ADAM10: variants seen among roughly 807,000 people sequenced by gnomAD.
ADAM10 encodes the protein ADAM metallopeptidase domain 10.
ADAM10 carries 17 observed loss-of-function variants against 90.1 expected under a neutral mutation model. The observed-to-expected ratio is 0.19, with a 90% CI of 0.13 to 0.28. ADAM10 has a LOEUF of 0.28. ADAM10 is among the 10% of genes least tolerant of loss of function. The pLI is 1.00. For missense variants in ADAM10, 610 were observed against 914.3 expected (o/e 0.67, Z 4.29); for synonymous variants, 310 against 298.6 (o/e 1.04, Z -0.40).
intron 10 of ADAM10, 50 bp downstream of exon 10, chr15:58,627,650 T>A (rs768969256): frequency 1.3e-6 from 2 of 1,535,194 alleles, no homozygotes; most frequent in South Asian, 2.3e-5. Context: ...TTTCAAGTTG[T>A]CTGAATGTTT....
chr15:58,663,005 A>G (rs767974646), intron 5 of ADAM10, among the ~76,000 whole-genome samples: 6 of 152,198 alleles, frequency 3.9e-5, no homozygotes, highest in Non-Finnish European at 5.9e-5. Context: ...TTATTTCCTC[A>G]CTCAGATATC....
chr15:58,703,291 C>CAAAAAAAAAAAAAAAAAAAAAAAA (rs542156053), intron 2 of ADAM10, among the ~76,000 whole-genome samples: 1 of 76,396 alleles, frequency 1.3e-5, no homozygotes. Flanking sequence ...GGTATTCCCT[C>CAAAAAAAAAAAAAAAAAAAAAAAA]AAAAAAAAAA....
chr15:58,589,713 TGAGA>T lies in ADAM10; in HGVS notation c.*7830_*7833del, dbSNP rs1894786491. 1 of 152,202 alleles carries T rather than the reference TGAGA, an allele frequency of 6.6e-6. No individual in the cohort carries two copies. Among genetic ancestry groups the T allele is most frequent in the Admixed American group, 6.5e-5 (1 of 15,270 alleles). The allele number at this position is 152,202 out of a possible 1,614,324, so 9.4% of individuals were successfully genotyped here. On this transcript the variant is annotated 3_prime_UTR_variant, in exon 16 of 16. Transcript: ENST00000260408. ...TTATATTGTAATATGGTGTGTGCTATGAGAGAAAGATGTATAAAATTCCAGGGCA... is the reference window on the plus strand; with the variant it reads ...TTATATTGTAATATGGTGTGTGCTATGAAAGATGTATAAAATTCCAGGGCA...
At chr15:58,624,284 CA>C (rs1476065624) in intron 10 of ADAM10, among the ~76,000 whole-genome samples, 2 of 145,538 alleles carry the variant, frequency 1.4e-5, no homozygotes. Context: ...GACTCTGTCT[CA>C]AAAAAAAAGC....
chr15:58,647,591 C>A (rs1896584604), intron 5 of ADAM10, among the ~76,000 whole-genome samples: 1 of 152,102 alleles, frequency 6.6e-6, no homozygotes, highest in South Asian at 2.1e-4. Context: ...CTCTGTTACC[C>A]AGGCTGGAGT....
chr15:58,609,908 T>A, intron 14 of ADAM10: 1 of 256,390 alleles, frequency 3.9e-6, no homozygotes, highest in South Asian at 4.7e-5. Context: ...GAGATTATAC[T>A]GAAAGATCAG....
rs779536584 is a variant in ADAM10, at chr15:58,717,741, A to C, written c.56-14T>G. 7 of 1,607,140 alleles carry C rather than the reference A, an allele frequency of 4.4e-6. No homozygotes were observed. The Admixed American group carries it at 8.4e-5, about 19-fold the overall frequency. On this transcript the variant is annotated splice_polypyrimidine_tract_variant and intron_variant, in intron 1 of 15. Transcript: ENST00000260408. ...TCCCATACTGACCTATAAAAAAAAA[A>C]CAACATTCTGAATTAGTATCATCTT...
At chr15:58,687,536 C>G (rs1311646854) in intron 2 of ADAM10, among the ~76,000 whole-genome samples, 1 of 150,396 alleles carries the variant, frequency 6.6e-6, no homozygotes, top group Non-Finnish European at 1.5e-5. Flanking sequence ...GTGTTTGTAA[C>G]AGTCTTTGAA....
At chr15:58,744,649 C>T (rs117776256) in intron 1 of ADAM10, among the ~76,000 whole-genome samples, 2,075 of 152,284 alleles carry the variant, frequency 0.014, 16 homozygotes, top group South Asian at 0.023. Flanking sequence ...AAATTCAGTC[C>T]ATTTTAAGGA....
intron 2 of ADAM10, among the ~76,000 whole-genome samples, chr15:58,700,310 AAT>A (rs1898096628): frequency 6.6e-6 from 1 of 152,230 alleles, no homozygotes; most frequent in African/African-American, 2.4e-5. Flanking sequence ...CAGCACATGA[AAT>A]ACTCTCGAGG....
At chr15:58,742,228 T>G (rs892020439) in intron 1 of ADAM10, among the ~76,000 whole-genome samples, 1 of 152,232 alleles carries the variant, frequency 6.6e-6, no homozygotes, top group South Asian at 2.1e-4. Context: ...CATTGTTTAC[T>G]TGCAGTAGTA....
At chr15:58,745,767 G>T (rs1269974909) in intron 1 of ADAM10, among the ~76,000 whole-genome samples, 2 of 152,138 alleles carry the variant, frequency 1.3e-5, no homozygotes, top group East Asian at 3.9e-4. Flanking sequence ...AAGGCCAGGT[G>T]TATCATTAGG....
chr15:58,744,631 G>A (rs1035425744), intron 1 of ADAM10, among the ~76,000 whole-genome samples: 2 of 152,208 alleles, frequency 1.3e-5, no homozygotes, highest in Non-Finnish European at 2.9e-5. Context: ...CTTCAATCAT[G>A]TAAGGTTAAA....
chr15:58,652,635 A>G (rs547552332), intron 5 of ADAM10, among the ~76,000 whole-genome samples: 50 of 152,232 alleles, frequency 3.3e-4, no homozygotes, highest in African/African-American at 1.2e-3. Context: ...TTTGGTTACT[A>G]TAGCGCTACA....
At chr15:58,610,159 G>A (rs763170011) in intron 14 of ADAM10, 138 bp downstream of exon 14, 58 of 763,716 alleles carry the variant, frequency 7.6e-5, no homozygotes, top group Non-Finnish European at 9.5e-5. Flanking sequence ...AGAAATATTA[G>A]AACTTTAAAA....
At chr15:58,644,898 T>G (rs1896510370) in intron 6 of ADAM10, among the ~76,000 whole-genome samples, 1 of 152,098 alleles carries the variant, frequency 6.6e-6, no homozygotes, top group South Asian at 2.1e-4. Flanking sequence ...ATAATAAACA[T>G]ACATTCAGAT....
chr15:58,627,677 A>G (rs774115945), intron 10 of ADAM10, 23 bp downstream of exon 10: 5 of 1,602,794 alleles, frequency 3.1e-6, no homozygotes, highest in African/African-American at 1.3e-5. Context: ...GTTCATAACA[A>G]AACGTTAGGA....
Position 58,597,581 on chromosome 15 carries a change from C to T in ADAM10, c.2213G>A (p.Arg738Gln). ...CATGTGTCCCATTTGATAACTCTCT[C>T]GGGGCCGCTGACGCTGGGGTTGCTG... ...PIQQPQRQRP[R>Q]ESYQMGHMRR is the part of the protein sequence containing the mutation. The change falls in exon 16 of 16, where the codon CGA (arginine) becomes CAA (glutamine). Residue 738 changes from arginine (R) to glutamine (Q), a missense_variant. Coordinates refer to ENST00000260408, the MANE Select transcript of ADAM10 (RefSeq NM_001110.4). 3 of 1,614,058 alleles carry T rather than the reference C, an allele frequency of 1.9e-6. No homozygotes were observed. The highest frequency in any genetic ancestry group is 2.2e-5 in the East Asian group (1 of 44,878).
rs1186839155 is a variant in ADAM10, at chr15:58,593,184, T to A, written c.*4363A>T. 3.0e-5 allele frequency: 2 copies of A among 66,124 alleles called. No homozygotes were observed. Among genetic ancestry groups the A allele is most frequent in the Non-Finnish European group, 5.7e-5 (2 of 35,022 alleles). The allele number at this position is 66,124 out of a possible 1,614,324, so 4.1% of individuals were successfully genotyped here. ...TTTTTTTTTTTTTTTTTTTTTTTTT[T>A]TTTTTTTTTTTTTGAGACAGAGTCT... On this transcript the variant is annotated 3_prime_UTR_variant, in exon 16 of 16. Coordinates refer to ENST00000260408, the MANE Select transcript of ADAM10 (RefSeq NM_001110.4).
Sources: allele counts gnomAD v4.1 joint callset (sites outside exome capture counted in the v4.1 genomes callset), GRCh38; gene constraint gnomAD v4.1.1; transcripts MANE v1.5; gene names NCBI Gene and HGNC (gene_info 2026-07-23, HGNC 2026-07-21).